The following SLC6A5 variants were observed in gnomAD, a reference collection of about 807,000 sequenced individuals.
SLC6A5 encodes sodium- and chloride-dependent glycine transporter 2.
A neutral mutation model predicts 90.5 loss-of-function variants in SLC6A5; 58 were observed. That is an observed-to-expected ratio of 0.64 (90% CI 0.52 to 0.80). The LOEUF (loss-of-function observed/expected upper bound fraction) is 0.80, where lower values mean the gene tolerates loss of function less well. Among genes scored for constraint, SLC6A5 ranks in the 30% least tolerant of loss-of-function variants. SLC6A5 has a pLI of 0.00. For synonymous variants in SLC6A5, 427 were observed against 401.4 expected (o/e 1.06, Z -0.76); for missense variants, 1,015 against 1,017.6 (o/e 1.00, Z 0.03).
chr11:20,610,661 A>G (rs1023561464), intron 5 of SLC6A5, among the ~76,000 whole-genome samples: 4 of 152,202 alleles, frequency 2.6e-5, no homozygotes, highest in Admixed American at 2.0e-4. Context: ...CTTTCCTGGT[A>G]AATATTTGAT....
rs1162482417 is a variant in SLC6A5 at position 20,656,503 on chromosome 11, A to G, written c.*1635A>G. 1 of 152,156 alleles carries G rather than the reference A, an allele frequency of 6.6e-6. No individual in the cohort carries two copies. The highest frequency in any genetic ancestry group is 1.5e-5 in the Non-Finnish European group (1 of 68,026). 9.4% of individuals were successfully genotyped at this position (152,156 alleles called of 1,614,324 possible). ...CAATGAAACCCAACAACAGGCTTTAATGTACATTTTTTTTTAAAAGATTTC... is the reference window on the plus strand; with the variant it reads ...CAATGAAACCCAACAACAGGCTTTAGTGTACATTTTTTTTTAAAAGATTTC... On this transcript the variant is annotated 3_prime_UTR_variant, in exon 16 of 16. Transcript: ENST00000525748.
intron 3 of SLC6A5, 125 bp from the exon 4 acceptor site, chr11:20,606,882 C>A: frequency 1.7e-6 from 2 of 1,202,924 alleles, no homozygotes; most frequent in Non-Finnish European, 2.4e-6. Flanking sequence ...AGGGCTTCTT[C>A]AGGAATGGAG....
At chr11:20,639,536 G>C (rs974990597) in intron 13 of SLC6A5, among the ~76,000 whole-genome samples, 5 of 152,174 alleles carry the variant, frequency 3.3e-5, no homozygotes, top group African/African-American at 1.2e-4. Flanking sequence ...GTCTAGGCCA[G>C]AGGGGTCTGC....
intron 3 of SLC6A5, among the ~76,000 whole-genome samples, chr11:20,606,409 T>G (rs1852582116): frequency 6.6e-6 from 1 of 152,148 alleles, no homozygotes; most frequent in Admixed American, 6.5e-5. Flanking sequence ...CCTTGAAGGA[T>G]GGAAGGAACT....
At chr11:20,624,450 C>T (rs1028420256) in intron 7 of SLC6A5, among the ~76,000 whole-genome samples, 3 of 151,764 alleles carry the variant, frequency 2.0e-5, no homozygotes, top group African/African-American at 7.3e-5. Context: ...ACGCTCCCGG[C>T]CCCCAAGAGT....
At chr11:20,608,922 GTCTCTC>G (rs138477311) in intron 5 of SLC6A5, among the ~76,000 whole-genome samples, 20,897 of 130,532 alleles carry the variant, frequency 0.16, 1,735 homozygotes, top group South Asian at 0.27. Flanking sequence ...CTGTCTGTCT[GTCTCTC>G]TCTCTCTCTC....
At chr11:20,611,696 G>A (rs748429241) in intron 5 of SLC6A5, among the ~76,000 whole-genome samples, 2 of 150,436 alleles carry the variant, frequency 1.3e-5, no homozygotes, top group African/African-American at 2.5e-5. Context: ...TGCTTCCTGC[G>A]AGTAAATGAC....
chr11:20,654,833 C>T lies in SLC6A5; in HGVS notation c.2359C>T (p.Pro787Ser). Residue 787 changes from proline (P) to serine (S), a missense_variant, in exon 16 of 16, where the codon CCA (proline) becomes TCA (serine). Physicochemically the swap from Pro to Ser is moderately conservative, Grantham distance 74. This residue lies in a region of SLC6A5 where 442 missense variants were observed against 494.3 expected (regional missense o/e 0.89). Transcript: ENST00000525748. The stretch of plus-strand genomic sequence containing the variant: ...AACCTCTTCCTTGGGACTCAAACTG[C>T]CAGTGAAGGATTTGGAACTGGGCAC... ...LGTSSLGLKL[P>S]VKDLELGTQC 6.2e-7 allele frequency: 1 copy of T among 1,614,128 alleles called. No homozygotes were observed. The highest frequency in any genetic ancestry group is 1.1e-5 in the South Asian group (1 of 91,084).
At chr11:20,608,835 C>G (rs1377839701) in intron 5 of SLC6A5, among the ~76,000 whole-genome samples, 5 of 152,112 alleles carry the variant, frequency 3.3e-5, no homozygotes, top group Admixed American at 6.5e-5. Flanking sequence ...GAATTCTTCC[C>G]TCTCGCAGAC....
In SLC6A5 at chr11:20,652,384, C is replaced by T. The variant is rs138242228; in HGVS notation, c.2166C>T (p.Leu722=). 2.4e-5 allele frequency: 39 copies of T among 1,614,054 alleles called. No homozygotes were observed. The highest frequency in any genetic ancestry group is 3.3e-4 in the Middle Eastern group (2 of 6,062). ...NWSMVLGWLM[L]ACSVIWIPIM... Reference sequence around the variant, plus strand: ...CCATGGTGCTCGGATGGCTAATGCTCGCCTGTTCCGTCATCTGGATCCCAA... The same window carrying T: ...CCATGGTGCTCGGATGGCTAATGCTTGCCTGTTCCGTCATCTGGATCCCAA... The change falls in exon 15 of 16, where the codon CTC becomes CTT. Residue 722 remains leucine (L), a synonymous_variant. Coordinates refer to ENST00000525748, the MANE Select transcript of SLC6A5 (RefSeq NM_004211.5).
At chr11:20,645,928 C>A (rs1233180646) in intron 13 of SLC6A5, among the ~76,000 whole-genome samples, 1 of 152,130 alleles carries the variant, frequency 6.6e-6, no homozygotes, top group Non-Finnish European at 1.5e-5. Flanking sequence ...AGCCACCACG[C>A]CCGGCCAGAA....
At position 20,604,304 on chromosome 11, in the gene SLC6A5, G is replaced by A. The variant is rs765900929; in HGVS notation, c.559G>A (p.Glu187Lys). ...VATQEDEQGD[E>K]NKARGNWSSK... The stretch of plus-strand genomic sequence containing the variant: ...CCCCCAGGAGGACGAGCAAGGGGAT[G>A]AGAATAAGGCCCGAGGGAACTGGTC... The change falls in exon 3 of 16, where the codon GAG becomes AAG. Residue 187 changes from glutamate to lysine, a missense_variant. Coordinates refer to ENST00000525748, the MANE Select transcript of SLC6A5 (RefSeq NM_004211.5). 1.2e-6 allele frequency: 2 copies of A among 1,612,600 alleles called. No individual in the cohort carries two copies. The highest frequency in any genetic ancestry group is 2.2e-5 in the South Asian group (2 of 90,926).
At chr11:20,616,989 T>A (rs1227789650) in intron 6 of SLC6A5, among the ~76,000 whole-genome samples, 1 of 152,060 alleles carries the variant, frequency 6.6e-6, no homozygotes, top group Admixed American at 6.5e-5. Context: ...GGTTGCGGAG[T>A]AGAAAGAATT....
intron 2 of SLC6A5, 80 bp from the exon 3 acceptor site, chr11:20,604,206 C>A: frequency 6.6e-7 from 1 of 1,522,466 alleles, no homozygotes; most frequent in Non-Finnish European, 8.9e-7. Flanking sequence ...GGAAGGACCC[C>A]TAGCGGGGGG....
intron 10 of SLC6A5, among the ~76,000 whole-genome samples, chr11:20,634,652 A>G (rs888220986): frequency 6.6e-6 from 1 of 152,182 alleles, no homozygotes; most frequent in Non-Finnish European, 1.5e-5. Context: ...TACGGTTCAC[A>G]TAGGGAGCCT....
chr11:20,650,765 C>CACG (rs1412263156), intron 14 of SLC6A5, among the ~76,000 whole-genome samples: 1 of 149,306 alleles, frequency 6.7e-6, no homozygotes, highest in East Asian at 2.0e-4. Flanking sequence ...CTCCCGGGTT[C>CACG]ACGCCATTCT....
In SLC6A5 at chr11:20,630,708, C is replaced by T. The variant is rs999376868; in HGVS notation, c.1517C>T (p.Thr506Ile). 6 of 1,614,246 alleles carry T rather than the reference C, an allele frequency of 3.7e-6. No homozygotes were observed. Among genetic ancestry groups the T allele is most frequent in the Non-Finnish European group, 5.1e-6 (6 of 1,180,028 alleles). ...NNCYRDTLIV[T>I]CTNSATSIFA... ...CCTTCCAGGGACACTCTAATTGTCA[C>T]CTGCACCAACAGTGCCACAAGCATC... is the stretch of plus-strand genomic sequence containing the variant. The change falls in exon 10 of 16, where the codon ACC becomes ATC. Residue 506 changes from threonine to isoleucine, a missense_variant. Thr to Ile is a moderately conservative substitution (Grantham distance 89). Transcript: ENST00000525748.
rs373877201 is a variant in SLC6A5, at chr11:20,614,686, T to C, written c.993T>C (p.Cys331=). The change falls in exon 6 of 16, where the codon TGT becomes TGC. Residue 331 remains cysteine, a synonymous_variant. Coordinates refer to ENST00000525748, the MANE Select transcript of SLC6A5 (RefSeq NM_004211.5). The part of the protein sequence containing the change: ...KDKTKLLLDS[C]VISDHPKIQI... The stretch of plus-strand genomic sequence containing the variant: ...CTGTCCTCTCCTAAACAGATTCCTG[T>C]GTTATCAGTGACCATCCCAAAATAC... 1.9e-5 allele frequency: 30 copies of C among 1,613,696 alleles called. No homozygotes were observed. The highest frequency in any genetic ancestry group is 2.5e-5 in the Non-Finnish European group (29 of 1,179,556).
At chr11:20,644,278 C>T (rs191776465) in intron 13 of SLC6A5, among the ~76,000 whole-genome samples, 1 of 152,284 alleles carries the variant, frequency 6.6e-6, no homozygotes, top group Admixed American at 6.5e-5. Context: ...ATTCTGCTGT[C>T]TCCTTCTCTG....
Sources: allele counts gnomAD v4.1 joint callset (sites outside exome capture counted in the v4.1 genomes callset), GRCh38; gene constraint gnomAD v4.1.1; regional missense constraint gnomAD v4.1.1; transcripts MANE v1.5; gene names NCBI Gene and HGNC (gene_info 2026-07-23, HGNC 2026-07-21).